The following ARHGAP39 variants were observed in gnomAD, a reference collection of about 807,000 sequenced individuals.
ARHGAP39 encodes the protein Rho GTPase activating protein 39.
Under a neutral mutation model 106.9 loss-of-function variants are expected in ARHGAP39, and 44 were observed. That is an observed-to-expected ratio of 0.41 (90% CI 0.32 to 0.53). The LOEUF is 0.53. Among genes scored for constraint, ARHGAP39 ranks in the 20% least tolerant of loss-of-function variants. ARHGAP39 has a pLI of 0.21. For missense variants in ARHGAP39, 1,496 were observed against 1,577.3 expected (o/e 0.95, Z 0.87); for synonymous variants, 768 against 693.2 (o/e 1.11, Z -1.69).
chr8:144,532,491 CG>C, intron 9 of ARHGAP39, 95 bp from the exon 10 acceptor site: 5 of 1,186,238 alleles, frequency 4.2e-6, no homozygotes, highest in Non-Finnish European at 6.0e-6. Flanking sequence ...CCTGCTGACC[CG>C]GGGAGGGGAG....
In ARHGAP39 at chr8:144,532,468, C is replaced by A. The variant is rs1004190831; in HGVS notation, c.2889-72G>T. 3.7e-5 allele frequency: 51 copies of A among 1,373,828 alleles called. No individual in the cohort carries two copies. The Middle Eastern group carries it at 5.4e-4, about 14-fold the overall frequency. The allele number at this position is 1,373,828 out of a possible 1,614,324, so 85.1% of individuals were successfully genotyped here. Reference sequence around the variant, plus strand: ...GCTTCATGATTCCGCCTGGACACTCCCTCCGGTAGGCCCCTGCTGACCCGG... The same window carrying A: ...GCTTCATGATTCCGCCTGGACACTCACTCCGGTAGGCCCCTGCTGACCCGG... On this transcript the variant is annotated intron_variant, in intron 9 of 11. Transcript: ENST00000377307.
rs1233859659 is a variant in ARHGAP39 at position 144,670,606 on chromosome 8, C to A, written c.-82+15080G>T. ...CCTGCCTCCCGCCCTGCTCCAGGCTCCCTGGGCTCCTGCCATCCGGTCCTG... is the reference window on the plus strand; with the variant it reads ...CCTGCCTCCCGCCCTGCTCCAGGCTACCTGGGCTCCTGCCATCCGGTCCTG... On this transcript the variant is annotated intron_variant, in intron 1 of 11. Transcript: ENST00000377307. This position sits in a 1 kb window ranked among gnomAD's most constrained non-coding sequence, Gnocchi z 4.4. 6.6e-6 allele frequency among the ~76,000 whole-genome samples: 1 copy of A among 152,172 alleles called. No individual in the cohort carries two copies. Among genetic ancestry groups the A allele is most frequent in the Non-Finnish European group, 1.5e-5 (1 of 68,030 alleles).
chr8:144,645,245 C>A lies in ARHGAP39; in HGVS notation c.-81-39550G>T, dbSNP rs878872609. 2.0e-5 allele frequency among the ~76,000 whole-genome samples: 3 copies of A among 152,378 alleles called. No individual in the cohort carries two copies. Among genetic ancestry groups the A allele is most frequent in the Admixed American group, 2.0e-4 (3 of 15,302 alleles). On this transcript the variant is annotated intron_variant, in intron 1 of 11. Coordinates refer to ENST00000377307, the MANE Select transcript of ARHGAP39 (RefSeq NM_025251.3). This position sits in a 1 kb window ranked among gnomAD's most constrained non-coding sequence, Gnocchi z 4.4. ...TGAAGTCACAGCCGTGAAACTCAGG[C>A]TGGAAGCTCTGGGACACTACATGAA...
At chr8:144,533,377 C>T (rs776757311) in intron 8 of ARHGAP39, 52 bp from the exon 9 acceptor site, 4 of 1,559,128 alleles carry the variant, frequency 2.6e-6, no homozygotes, top group Non-Finnish European at 3.5e-6. Context: ...CTCAGGACCC[C>T]CCGCCACCCC....
At chr8:144,565,002 C>T (rs935384555) in intron 3 of ARHGAP39, among the ~76,000 whole-genome samples, 11 of 151,780 alleles carry the variant, frequency 7.2e-5, no homozygotes, top group African/African-American at 2.4e-4. Context: ...CCTAGCTACT[C>T]GGGAGGCTGA....
At chr8:144,566,180 A>C (rs548946349) in intron 3 of ARHGAP39, among the ~76,000 whole-genome samples, 3 of 152,334 alleles carry the variant, frequency 2.0e-5, no homozygotes, top group Admixed American at 2.0e-4. Flanking sequence ...AGGTCCAAGA[A>C]GCTACACGAA....
intron 1 of ARHGAP39, among the ~76,000 whole-genome samples, chr8:144,642,865 A>C (rs1821347194): frequency 6.6e-6 from 1 of 152,030 alleles, no homozygotes; most frequent in Non-Finnish European, 1.5e-5. Context: ...ACAGACTAAT[A>C]CATCAGGTGT....
In ARHGAP39 at chr8:144,585,124, G is replaced by A. The variant is rs540900426; in HGVS notation, c.81-3847C>T. On this transcript the variant is annotated intron_variant, in intron 2 of 11. Transcript: ENST00000377307. This position sits in a 1 kb window ranked among gnomAD's most constrained non-coding sequence, Gnocchi z 4.6. Reference sequence around the variant, plus strand: ...CTGAAGGGCTTAGACGCCCTCTCCCGATTGGCCCTGTGTCCCTCTCTGCTT... The same window carrying A: ...CTGAAGGGCTTAGACGCCCTCTCCCAATTGGCCCTGTGTCCCTCTCTGCTT... Among the ~76,000 whole-genome samples the A allele has an allele frequency of 6.9e-4, 105 of 152,228 alleles. 5 individuals carry two copies. The South Asian group carries it at 0.019, about 27-fold the overall frequency.
intron 1 of ARHGAP39, among the ~76,000 whole-genome samples, chr8:144,615,058 C>T (rs185273163): frequency 2.0e-5 from 3 of 152,376 alleles, no homozygotes; most frequent in South Asian, 2.1e-4. Flanking sequence ...CAGAGGCTCA[C>T]GCCTATAATC....
intron 1 of ARHGAP39, among the ~76,000 whole-genome samples, chr8:144,610,303 A>G (rs77455695): frequency 0.031 from 4,707 of 152,102 alleles, 88 homozygotes; most frequent in Middle Eastern, 0.12. Context: ...TTCTGTTTTC[A>G]TTAATTTCCA....
intron 3 of ARHGAP39, among the ~76,000 whole-genome samples, chr8:144,579,731 A>G (rs937146280): frequency 3.3e-5 from 5 of 152,088 alleles, no homozygotes; most frequent in African/African-American, 1.2e-4. Flanking sequence ...GAAGCCTCAG[A>G]TGAGCCCGGC....
intron 1 of ARHGAP39, among the ~76,000 whole-genome samples, chr8:144,635,490 A>G (rs558554327): frequency 6.6e-6 from 1 of 152,306 alleles, no homozygotes; most frequent in Non-Finnish European, 1.5e-5. Flanking sequence ...CCTTTGTAAT[A>G]TCCTCCATGA....
chr8:144,530,040 G>A lies in ARHGAP39; in HGVS notation c.*382C>T, dbSNP rs772114503. 8.0e-5 allele frequency: 18 copies of A among 224,618 alleles called. No individual in the cohort carries two copies. Among genetic ancestry groups the A allele is most frequent in the Non-Finnish European group, 1.6e-4 (18 of 114,244 alleles). 13.9% of individuals were successfully genotyped at this position (224,618 alleles called of 1,614,324 possible). On this transcript the variant is annotated 3_prime_UTR_variant, in exon 12 of 12. Coordinates refer to ENST00000377307, the MANE Select transcript of ARHGAP39 (RefSeq NM_025251.3). ...ACAGGAGAAAGGGAAGGAGAGACCGGGGCGGCTGGGCAAGGCCCAGGCCAG... is the reference window on the plus strand; with the variant it reads ...ACAGGAGAAAGGGAAGGAGAGACCGAGGCGGCTGGGCAAGGCCCAGGCCAG...
At position 144,647,257 on chromosome 8, in the gene ARHGAP39, G is replaced by A. The variant is rs1821466691; in HGVS notation, c.-82+38429C>T. ...GCTGGGATTACAGCCGTGAGCCACT[G>A]CGCCCGGCCTGCTCTGACCCTTCTT... On this transcript the variant is annotated intron_variant, in intron 1 of 11. Coordinates refer to ENST00000377307, the MANE Select transcript of ARHGAP39 (RefSeq NM_025251.3). This position sits in a 1 kb window ranked among gnomAD's most constrained non-coding sequence, Gnocchi z 4.8. Among the ~76,000 whole-genome samples, 1 of 152,140 alleles carries A rather than the reference G, an allele frequency of 6.6e-6. No homozygotes were observed. Among genetic ancestry groups the A allele is most frequent in the Admixed American group, 6.5e-5 (1 of 15,276 alleles).
chr8:144,542,761 A>G (rs1032504736), intron 6 of ARHGAP39, among the ~76,000 whole-genome samples: 1 of 151,878 alleles, frequency 6.6e-6, no homozygotes, highest in Non-Finnish European at 1.5e-5. Context: ...CAACGTGGTG[A>G]AACCCCGTCT....
chr8:144,572,702 G>A (rs1818627980), intron 3 of ARHGAP39, among the ~76,000 whole-genome samples: 1 of 152,110 alleles, frequency 6.6e-6, no homozygotes, highest in African/African-American at 2.4e-5. Flanking sequence ...CCTACAGAAT[G>A]GGAGAAAATT....
intron 1 of ARHGAP39, among the ~76,000 whole-genome samples, chr8:144,653,687 G>T (rs1386020593): frequency 6.6e-6 from 1 of 151,634 alleles, no homozygotes; most frequent in Admixed American, 6.6e-5. Context: ...GGGAGCCACA[G>T]CTCGGGTCAT....
Position 144,641,987 on chromosome 8 carries a change from G to A in ARHGAP39, c.-81-36292C>T, listed in dbSNP as rs1821323475. ...AACCACACCCAGGCTACATAGATCTGTGAGCAACAGATGTATGTTGCTTTA... is the reference window on the plus strand; with the variant it reads ...AACCACACCCAGGCTACATAGATCTATGAGCAACAGATGTATGTTGCTTTA... On this transcript the variant is annotated intron_variant, in intron 1 of 11. Transcript: ENST00000377307. This position sits in a 1 kb window ranked among gnomAD's most constrained non-coding sequence, Gnocchi z 5.2. Among the ~76,000 whole-genome samples the A allele has an allele frequency of 6.6e-6, 1 of 152,222 alleles. No homozygotes were observed. Among genetic ancestry groups the A allele is most frequent in the Non-Finnish European group, 1.5e-5 (1 of 68,042 alleles).
At chr8:144,601,662 ATGCG>A (rs1819959158) in intron 2 of ARHGAP39, among the ~76,000 whole-genome samples, 2 of 106,872 alleles carry the variant, frequency 1.9e-5, no homozygotes, top group Admixed American at 1.1e-4. Context: ...GTGTGCATGG[ATGCG>A]TGCGTGCGAG....
Sources: allele counts gnomAD v4.1 joint callset (sites outside exome capture counted in the v4.1 genomes callset), GRCh38; gene constraint gnomAD v4.1.1; non-coding constraint Gnocchi (gnomAD v3.1); transcripts MANE v1.5; gene names NCBI Gene and HGNC (gene_info 2026-07-23, HGNC 2026-07-21).